WASHC5: variants seen among roughly 807,000 people sequenced by gnomAD.
WASHC5 encodes WASH complex subunit 5.
In WASHC5, 101 loss-of-function variants were observed where a neutral mutation model predicts 150.4. The observed-to-expected ratio is 0.67, with a 90% CI of 0.57 to 0.79. The LOEUF (loss-of-function observed/expected upper bound fraction) is 0.79, where lower values mean the gene tolerates loss of function less well. WASHC5 is among the 30% of genes least tolerant of loss of function. The probability of loss-of-function intolerance (pLI) is 0.00; values close to 1 mark genes in which losing one functional copy is unlikely to be tolerated. For missense variants in WASHC5, 1,195 were observed against 1,396.3 expected, an observed-to-expected ratio of 0.86 and a Z score of 2.30; for synonymous variants, 467 against 491.2, an observed-to-expected ratio of 0.95 and a Z score of 0.65.
chr8:125,028,328 A>C (rs369702293), intron 28 of WASHC5, among the ~76,000 whole-genome samples: 2 of 152,324 alleles, frequency 1.3e-5, no homozygotes, highest in East Asian at 3.9e-4. Context: ...CACTTAAGGA[A>C]TCCCTCCTGG....
At chr8:125,077,614 T>A (rs964616414) in intron 6 of WASHC5, among the ~76,000 whole-genome samples, 2 of 152,112 alleles carry the variant, frequency 1.3e-5, no homozygotes, top group Non-Finnish European at 2.9e-5. Flanking sequence ...TGAGAGGCAA[T>A]CAGGAATGAG....
chr8:125,085,523 A>G (rs752264133), intron 1 of WASHC5, among the ~76,000 whole-genome samples: 13 of 152,236 alleles, frequency 8.5e-5, no homozygotes, highest in Non-Finnish European at 1.8e-4. Context: ...AACAAGGAAA[A>G]GGGAAAAAAA....
chr8:125,047,370 T>G (rs1201686075), intron 19 of WASHC5, 39 bp from the exon 20 acceptor site: 1 of 1,586,710 alleles, frequency 6.3e-7, no homozygotes, highest in South Asian at 1.1e-5. Flanking sequence ...AAACCTTTGA[T>G]AAGATAACCT....
intron 17 of WASHC5, among the ~76,000 whole-genome samples, chr8:125,053,105 T>C (rs1816294630): frequency 9.0e-6 from 1 of 111,614 alleles, no homozygotes; most frequent in Non-Finnish European, 1.7e-5. Flanking sequence ...CTGTATTTCT[T>C]TTTTTTTTTT....
rs141860855 is a variant in WASHC5 at position 125,068,496 on chromosome 8, A to G, written c.1151-777T>C. Among the ~76,000 whole-genome samples, 6 of 152,090 alleles carry G rather than the reference A, an allele frequency of 3.9e-5. No homozygotes were observed. In the East Asian group the frequency reaches 1.2e-3, roughly 29 times the overall value. ...GCTTGTGCCTCATTCCTCCAAATTC[A>G]CTCCGTGTGCCCTTTTCCTTTGCAG... On this transcript the variant is annotated intron_variant, in intron 9 of 28. Transcript: ENST00000318410.
chr8:125,032,767 A>G, intron 26 of WASHC5: 1 of 263,304 alleles, frequency 3.8e-6, no homozygotes, highest in South Asian at 4.1e-5. Context: ...GATACCCTGA[A>G]CTACTATCTT....
At chr8:125,065,664 C>T (rs1207591729) in intron 10 of WASHC5, among the ~76,000 whole-genome samples, 2 of 148,908 alleles carry the variant, frequency 1.3e-5, no homozygotes, top group African/African-American at 2.5e-5. Context: ...GTTGCCCAGG[C>T]TGGAGTGCAG....
chr8:125,074,099 G>C (rs11993043), intron 8 of WASHC5, among the ~76,000 whole-genome samples: 16,784 of 152,144 alleles, frequency 0.11, 2,168 homozygotes, highest in African/African-American at 0.31. Context: ...TTACTTAAAG[G>C]AAGTCAAATG....
At chr8:125,053,098 T>C (rs978388719) in intron 17 of WASHC5, among the ~76,000 whole-genome samples, 1 of 147,154 alleles carries the variant, frequency 6.8e-6, no homozygotes, top group African/African-American at 2.7e-5. Flanking sequence ...AGACGACCTG[T>C]ATTTCTTTTT....
intron 3 of WASHC5, chr8:125,082,802 G>C (rs1817307123): frequency 2.8e-6 from 1 of 359,406 alleles, no homozygotes; most frequent in Non-Finnish European, 5.0e-6. Flanking sequence ...GAAAGTTAAT[G>C]ATAAAGATAA....
chr8:125,024,694 A>G, intron 28 of WASHC5, 21 bp from the exon 29 acceptor site: 1 of 1,537,150 alleles, frequency 6.5e-7, no homozygotes. Flanking sequence ...AAAGAATTAA[A>G]TTATTCATGG....
At chr8:125,041,454 A>G (rs537921585) in intron 23 of WASHC5, among the ~76,000 whole-genome samples, 3 of 152,334 alleles carry the variant, frequency 2.0e-5, no homozygotes, top group Admixed American at 6.5e-5. Flanking sequence ...AAGCCTGGCC[A>G]AAATGGTAAA....
At chr8:125,031,566 G>A (rs576361654) in intron 27 of WASHC5, among the ~76,000 whole-genome samples, 19 of 152,162 alleles carry the variant, frequency 1.2e-4, no homozygotes, top group African/African-American at 3.6e-4. Flanking sequence ...GTGCCCAGCC[G>A]CTTTGATTCG....
chr8:125,070,211 A>G (rs1291219910), intron 9 of WASHC5, among the ~76,000 whole-genome samples: 1 of 152,246 alleles, frequency 6.6e-6, no homozygotes, highest in Non-Finnish European at 1.5e-5. Context: ...GCAACTCAAC[A>G]GGAGGCAATG....
At chr8:125,026,890 C>T (rs1271697459) in intron 28 of WASHC5, among the ~76,000 whole-genome samples, 2 of 151,894 alleles carry the variant, frequency 1.3e-5, no homozygotes, top group Non-Finnish European at 2.9e-5. Context: ...AAAATATATT[C>T]TTTGAAGTTA....
chr8:125,089,637 T>C (rs937670900), intron 1 of WASHC5, among the ~76,000 whole-genome samples: 3 of 152,060 alleles, frequency 2.0e-5, no homozygotes, highest in Non-Finnish European at 2.9e-5. Flanking sequence ...CAAAGTAACA[T>C]TACTTGCCCT....
At chr8:125,088,201 T>C (rs1226811618) in intron 1 of WASHC5, among the ~76,000 whole-genome samples, 2 of 150,314 alleles carry the variant, frequency 1.3e-5, no homozygotes, top group East Asian at 1.9e-4. Context: ...TCCAGCACTT[T>C]GAGAGGCTGA....
Position 125,026,357 on chromosome 8 carries a change from T to C in WASHC5, c.3424-1684A>G, listed in dbSNP as rs141985704. 4.9e-3 allele frequency among the ~76,000 whole-genome samples: 754 copies of C among 152,360 alleles called. 4 individuals carry two copies. Among genetic ancestry groups the C allele is most frequent in the African/African-American group, 0.017 (725 of 41,582 alleles). The stretch of plus-strand genomic sequence containing the variant: ...TATAAATCAAGAAACTAGTCCTTTG[T>C]TGGTATTTCCTCTTTTGTCTTTTGT... On this transcript the variant is annotated intron_variant, in intron 28 of 28. Transcript: ENST00000318410.
chr8:125,069,584 T>C (rs1816844682), intron 9 of WASHC5, among the ~76,000 whole-genome samples: 1 of 152,204 alleles, frequency 6.6e-6, no homozygotes, highest in Non-Finnish European at 1.5e-5. Flanking sequence ...TGGGTGGTTT[T>C]GTTGCTTTAG....
Sources: allele counts gnomAD v4.1 joint callset (sites outside exome capture counted in the v4.1 genomes callset), GRCh38; gene constraint gnomAD v4.1.1; transcripts MANE v1.5; gene names NCBI Gene and HGNC (gene_info 2026-07-23, HGNC 2026-07-21).